The following STUM variants were observed in gnomAD, a reference collection of about 807,000 sequenced individuals.
STUM encodes the protein stum, mechanosensory transduction mediator homolog, also known as protein stum homolog.
Under a neutral mutation model 15.3 loss-of-function variants are expected in STUM, and 8 were observed. That is an observed-to-expected ratio of 0.52 (90% confidence interval 0.31 to 0.94). The LOEUF is 0.94. Among genes scored for constraint, STUM ranks in the 40% least tolerant of loss-of-function variants. The pLI, the probability that STUM is intolerant of heterozygous loss-of-function variation, is 0.05. For missense variants in STUM, 142 were observed against 204.9 expected, an observed-to-expected ratio of 0.69 and a Z score of 1.87; for synonymous variants, 78 against 88.7, an observed-to-expected ratio of 0.88 and a Z score of 0.68.
Position 226,578,188 on chromosome 1 carries a change from C to T in STUM, c.203-18614C>T, listed in dbSNP as rs768380976. Among the ~76,000 whole-genome samples the T allele has an allele frequency of 6.6e-5, 10 of 151,964 alleles. No homozygotes were observed. The South Asian group carries it at 1.0e-3, about 16-fold the overall frequency. ...TGTGCTTTCTCAAAATGTCTTTACG[C>T]GTCATCATGGTCATGTAGTCTCTTT... On this transcript the variant is annotated intron_variant, in intron 1 of 3. Coordinates refer to ENST00000366788, the MANE Select transcript of STUM (RefSeq NM_001003665.4).
intron 1 of STUM, among the ~76,000 whole-genome samples, chr1:226,561,712 T>C (rs886651842): frequency 5.3e-5 from 8 of 152,162 alleles, no homozygotes; most frequent in African/African-American, 1.9e-4. Context: ...TAAAGATTGG[T>C]TTGGTCAATA....
At chr1:226,559,628 G>A (rs6679966) in intron 1 of STUM, among the ~76,000 whole-genome samples, 103,832 of 152,036 alleles carry the variant, frequency 0.68, 36,642 homozygotes, top group East Asian at 0.8. Flanking sequence ...TTGTCCCTCC[G>A]GAACAATGTT....
chr1:226,589,061 C>G (rs1034077601), intron 1 of STUM, among the ~76,000 whole-genome samples: 12 of 152,216 alleles, frequency 7.9e-5, no homozygotes, highest in Non-Finnish European at 1.8e-4. Flanking sequence ...AAACAACTTG[C>G]TGGCCTAGGT....
intron 1 of STUM, among the ~76,000 whole-genome samples, chr1:226,557,674 T>A (rs1370346666): frequency 6.6e-6 from 1 of 152,202 alleles, no homozygotes; most frequent in Non-Finnish European, 1.5e-5. Flanking sequence ...AAAGCCATTC[T>A]GACATGTCCA....
chr1:226,599,757 A>G (rs73098855), intron 2 of STUM, among the ~76,000 whole-genome samples: 7,804 of 152,308 alleles, frequency 0.051, 668 homozygotes, highest in African/African-American at 0.18. Flanking sequence ...TCATGGGTCA[A>G]TAAATACTTG....
At chr1:226,571,950 T>C (rs1490924259) in intron 1 of STUM, among the ~76,000 whole-genome samples, 1 of 152,184 alleles carries the variant, frequency 6.6e-6, no homozygotes, top group Non-Finnish European at 1.5e-5. Context: ...CCCTTTTCCC[T>C]TCCTTATTCT....
At chr1:226,598,003 C>T (rs974156231) in intron 2 of STUM, among the ~76,000 whole-genome samples, 23 of 152,172 alleles carry the variant, frequency 1.5e-4, no homozygotes, top group Admixed American at 2.0e-4. Context: ...GCTCCTTCCT[C>T]CTGGGAGGGG....
intron 1 of STUM, among the ~76,000 whole-genome samples, chr1:226,572,462 T>C (rs1667725266): frequency 6.6e-6 from 1 of 152,196 alleles, no homozygotes; most frequent in South Asian, 2.1e-4. Flanking sequence ...CTAACAGCCC[T>C]GTGCGGCTGG....
At chr1:226,593,323 A>G (rs1668120743) in intron 1 of STUM, among the ~76,000 whole-genome samples, 1 of 152,084 alleles carries the variant, frequency 6.6e-6, no homozygotes, top group African/African-American at 2.4e-5. Context: ...TTACCCATGC[A>G]TTCAAAGCCT....
chr1:226,588,735 G>A (rs1010736259), intron 1 of STUM, among the ~76,000 whole-genome samples: 2 of 152,220 alleles, frequency 1.3e-5, no homozygotes, highest in Non-Finnish European at 2.9e-5. Flanking sequence ...CCGGGAAGGT[G>A]TATTTTTAGC....
At chr1:226,593,717 AG>A (rs1360424039) in intron 1 of STUM, among the ~76,000 whole-genome samples, 2 of 152,154 alleles carry the variant, frequency 1.3e-5, no homozygotes, top group Non-Finnish European at 1.5e-5. Flanking sequence ...GATCTCCCAC[AG>A]GGCCTCTGGA....
chr1:226,571,244 A>G (rs1571800634), intron 1 of STUM, among the ~76,000 whole-genome samples: 2 of 152,142 alleles, frequency 1.3e-5, no homozygotes, highest in Admixed American at 6.5e-5. Flanking sequence ...AAAACAAAAC[A>G]AAACAAAACA....
rs970957237 is a variant in STUM, at chr1:226,549,791, G to A, written c.202+685G>A. Among the ~76,000 whole-genome samples, 1 of 152,212 alleles carries A rather than the reference G, an allele frequency of 6.6e-6. No homozygotes were observed. The highest frequency in any genetic ancestry group is 1.5e-5 in the Non-Finnish European group (1 of 68,042). ...CCCATAGCTCCCTCGGATCCCTTCTGTTCCTGAGAAGTAGAGAGTGCGCCG... is the reference window on the plus strand; with the variant it reads ...CCCATAGCTCCCTCGGATCCCTTCTATTCCTGAGAAGTAGAGAGTGCGCCG... On this transcript the variant is annotated intron_variant, in intron 1 of 3. Coordinates refer to ENST00000366788, the MANE Select transcript of STUM (RefSeq NM_001003665.4). This position sits in a 1 kb window ranked among gnomAD's most constrained non-coding sequence, Gnocchi z 6.8.
At chr1:226,573,900 T>C (rs999677296) in intron 1 of STUM, among the ~76,000 whole-genome samples, 1 of 151,840 alleles carries the variant, frequency 6.6e-6, no homozygotes, top group Admixed American at 6.6e-5. Context: ...AGTGGTGTGA[T>C]CTCAGCTCAC....
intron 1 of STUM, among the ~76,000 whole-genome samples, chr1:226,590,451 G>A (rs949867756): frequency 1.3e-4 from 20 of 151,998 alleles, no homozygotes; most frequent in Admixed American, 3.3e-4. Context: ...TTTCTGGGAC[G>A]CCCTCCCCTA....
intron 1 of STUM, among the ~76,000 whole-genome samples, chr1:226,583,802 G>T (rs1182710675): frequency 6.6e-6 from 1 of 152,186 alleles, no homozygotes; most frequent in African/African-American, 2.4e-5. Flanking sequence ...GCTCTGGGAC[G>T]GGGGATGGGA....
At chr1:226,583,750 A>G (rs935418498) in intron 1 of STUM, among the ~76,000 whole-genome samples, 3 of 152,120 alleles carry the variant, frequency 2.0e-5, no homozygotes, top group African/African-American at 7.2e-5. Flanking sequence ...ACCCTAACAG[A>G]TTCTCTGACT....
chr1:226,565,840 C>G lies in STUM; in HGVS notation c.202+16734C>G, dbSNP rs1667613067. Among the ~76,000 whole-genome samples the G allele has an allele frequency of 6.6e-6, 1 of 152,242 alleles. No individual in the cohort carries two copies. The highest frequency in any genetic ancestry group is 6.5e-5 in the Admixed American group (1 of 15,288). On this transcript the variant is annotated intron_variant, in intron 1 of 3. Transcript: ENST00000366788. The surrounding 1 kb of genome is among the most constrained non-coding windows in gnomAD (Gnocchi z 4.4). ...CCCAAGAAACCCAGATGGCTGGAAG[C>G]ATCGCTGCCTTCCCGGAATGTCATC...
chr1:226,564,548 G>T (rs919862018), intron 1 of STUM, among the ~76,000 whole-genome samples: 1 of 152,214 alleles, frequency 6.6e-6, no homozygotes, highest in East Asian at 1.9e-4. Flanking sequence ...GGTAGAACGT[G>T]CATTGGAACC....
Sources: allele counts gnomAD v4.1 joint callset (sites outside exome capture counted in the v4.1 genomes callset), GRCh38; gene constraint gnomAD v4.1.1; non-coding constraint Gnocchi (gnomAD v3.1); transcripts MANE v1.5; gene names NCBI Gene and HGNC (gene_info 2026-07-23, HGNC 2026-07-21).